MCM2: variants seen among roughly 807,000 people sequenced by gnomAD.
MCM2 encodes the protein minichromosome maintenance complex component 2.
Under a neutral mutation model 86.4 loss-of-function variants are expected in MCM2, and 49 were observed. The ratio of observed to expected loss-of-function variants is 0.57; its 90% CI spans 0.45 to 0.72. MCM2 has a LOEUF of 0.72. Among genes scored for constraint, MCM2 ranks in the 30% least tolerant of loss-of-function variants. The pLI is 0.00. For missense variants in MCM2, 1,038 were observed against 1,259.9 expected (o/e 0.82, Z 2.67); for synonymous variants, 475 against 484.6 (o/e 0.98, Z 0.26).
chr3:127,613,074 G>C (rs959732031), intron 8 of MCM2, among the ~76,000 whole-genome samples: 1 of 152,186 alleles, frequency 6.6e-6, no homozygotes, highest in African/African-American at 2.4e-5. Flanking sequence ...GGCAGTGTAG[G>C]CATTCACACA....
intron 8 of MCM2, among the ~76,000 whole-genome samples, chr3:127,612,143 C>T (rs900368150): frequency 9.9e-5 from 15 of 152,206 alleles, no homozygotes; most frequent in Non-Finnish European, 2.2e-4. Context: ...GTAACGCTGA[C>T]GGAGCTGAGG....
Position 127,617,684 on chromosome 3 carries a change from C to G in MCM2, c.1900+279C>G. On this transcript the variant is annotated intron_variant, in intron 11 of 15. Coordinates refer to ENST00000265056, the MANE Select transcript of MCM2 (RefSeq NM_004526.4). The surrounding 1 kb of genome is among the most constrained non-coding windows in gnomAD (Gnocchi z 4.1). ...GCCCCTCTGGCCAGGATGGAGTTGG[C>G]TGTTGGTCTCAGCAGCGAATGCGTA... is the stretch of plus-strand genomic sequence containing the variant. 1.7e-6 allele frequency: 1 copy of G among 591,022 alleles called. No homozygotes were observed. Among genetic ancestry groups the G allele is most frequent in the Non-Finnish European group, 3.0e-6 (1 of 333,542 alleles). 36.6% of individuals were successfully genotyped at this position (591,022 alleles called of 1,614,324 possible).
At chr3:127,621,293 G>C in intron 15 of MCM2, 65 bp downstream of exon 15, 1 of 1,589,634 alleles carries the variant, frequency 6.3e-7, no homozygotes, top group Non-Finnish European at 8.6e-7. Context: ...GTCTCCTGAT[G>C]GGGGCTCCAT....
chr3:127,613,021 ACT>A (rs1432474443), intron 8 of MCM2, among the ~76,000 whole-genome samples: 2 of 152,120 alleles, frequency 1.3e-5, no homozygotes, highest in Non-Finnish European at 1.5e-5. Flanking sequence ...TTAGCCTGCT[ACT>A]CTCTCCTGGA....
chr3:127,621,021 G>C (rs1050004107), intron 14 of MCM2, 52 bp from the exon 15 acceptor site: 1 of 1,604,048 alleles, frequency 6.2e-7, no homozygotes, highest in South Asian at 1.1e-5. Flanking sequence ...GGTAAAGGGA[G>C]TGTGGCAGGC....
intron 4 of MCM2, 22 bp downstream of exon 4, chr3:127,605,178 G>C (rs753104533): frequency 1.2e-6 from 2 of 1,606,222 alleles, no homozygotes; most frequent in South Asian, 2.2e-5. Context: ...CTACGCCCCC[G>C]CCTCAGCCCC....
chr3:127,617,467 A>T lies in MCM2; in HGVS notation c.1900+62A>T. On this transcript the variant is annotated intron_variant, in intron 11 of 15. Coordinates refer to ENST00000265056, the MANE Select transcript of MCM2 (RefSeq NM_004526.4). The surrounding 1 kb of genome is among the most constrained non-coding windows in gnomAD (Gnocchi z 4.1). Reference sequence around the variant, plus strand: ...GACACAGGGAGGTCCCGCCTGCTTGAATTGGGAGCCCACGGGGTCCCCAGG... The same window carrying T: ...GACACAGGGAGGTCCCGCCTGCTTGTATTGGGAGCCCACGGGGTCCCCAGG... 6.4e-7 allele frequency: 1 copy of T among 1,552,874 alleles called. No homozygotes were observed. The highest frequency in any genetic ancestry group is 8.7e-7 in the Non-Finnish European group (1 of 1,151,338).
Position 127,617,844 on chromosome 3 carries a change from A to C in MCM2, c.1901-125A>C, listed in dbSNP as rs2074444886. On this transcript the variant is annotated intron_variant, in intron 11 of 15. Transcript: ENST00000265056. The surrounding 1 kb of genome is among the most constrained non-coding windows in gnomAD (Gnocchi z 4.1). The stretch of plus-strand genomic sequence containing the variant: ...TTTGCTGTCTCAGACAGCAGGTGCT[A>C]AGTACCCACCTATGTCTTCCTCTTC... 2 of 709,472 alleles carry C rather than the reference A, an allele frequency of 2.8e-6. No homozygotes were observed. Among genetic ancestry groups the C allele is most frequent in the Non-Finnish European group, 4.9e-6 (2 of 405,954 alleles). The allele number at this position is 709,472 out of a possible 1,614,324, so 43.9% of individuals were successfully genotyped here. A position where few individuals can be genotyped will look rare whatever the true frequency, so the allele number is the denominator to read the frequency against.
intron 13 of MCM2, 48 bp downstream of exon 13, chr3:127,619,326 C>G (rs1429893702): frequency 6.3e-7 from 1 of 1,584,022 alleles, no homozygotes; most frequent in African/African-American, 1.3e-5. Context: ...GAAGGAAGTG[C>G]AGTGTGAGCC....
At chr3:127,610,716 G>A (rs899368833) in intron 8 of MCM2, 27 of 449,864 alleles carry the variant, frequency 6.0e-5, no homozygotes, top group Middle Eastern at 5.3e-4. Flanking sequence ...CAGGCTAGAC[G>A]CAAACCCAGT....
At chr3:127,608,795 G>A in intron 7 of MCM2, 37 bp from the exon 8 acceptor site, 1 of 1,606,654 alleles carries the variant, frequency 6.2e-7, no homozygotes, top group Non-Finnish European at 8.5e-7. Flanking sequence ...GCACCCCTGG[G>A]TTAGGCTCTG....
intron 9 of MCM2, among the ~76,000 whole-genome samples, chr3:127,616,340 T>C (rs767372932): frequency 2.0e-5 from 3 of 152,222 alleles, no homozygotes; most frequent in South Asian, 2.1e-4. Flanking sequence ...GATTTCCCCA[T>C]TGACCCCCAC....
At chr3:127,602,211 G>A (rs998969934) in intron 2 of MCM2, among the ~76,000 whole-genome samples, 2 of 149,552 alleles carry the variant, frequency 1.3e-5, no homozygotes, top group Non-Finnish European at 3.0e-5. Flanking sequence ...TTTGCTGAGG[G>A]CATTTTGTGT....
rs757903789 is a variant in MCM2 at position 127,615,933 on chromosome 3, C to T, written c.1500C>T (p.Phe500=). Residue 500 remains phenylalanine (F), a synonymous_variant, in exon 9 of 16, where the codon TTC becomes TTT. Coordinates refer to ENST00000265056, the MANE Select transcript of MCM2 (RefSeq NM_004526.4). ...AGAGAGGCCTGGCTCTGGCCCTGTTCGGAGGGGAGCCCAAAAACCCAGGTG... is the reference window on the plus strand; with the variant it reads ...AGAGAGGCCTGGCTCTGGCCCTGTTTGGAGGGGAGCCCAAAAACCCAGGTG... ...DIKRGLALAL[F]GGEPKNPGGK... The T allele has an allele frequency of 1.5e-5, 25 of 1,614,004 alleles. No homozygotes were observed. Among genetic ancestry groups the T allele is most frequent in the South Asian group, 7.7e-5 (7 of 91,078 alleles).
chr3:127,599,926 A>G (rs1396156087), intron 2 of MCM2, among the ~76,000 whole-genome samples: 1 of 152,252 alleles, frequency 6.6e-6, no homozygotes, highest in African/African-American at 2.4e-5. Flanking sequence ...ATAAAGTTTT[A>G]GAGTCAATCA....
intron 2 of MCM2, among the ~76,000 whole-genome samples, chr3:127,603,797 G>A (rs2074323460): frequency 6.6e-6 from 1 of 152,178 alleles, no homozygotes; most frequent in African/African-American, 2.4e-5. Flanking sequence ...GAGTAGCTGG[G>A]ACTAGAGGCA....
chr3:127,603,190 G>A (rs994882642), intron 2 of MCM2, among the ~76,000 whole-genome samples: 5 of 151,864 alleles, frequency 3.3e-5, no homozygotes, highest in Admixed American at 6.6e-5. Context: ...TAGTAGAGAC[G>A]GGGTTTCACC....
chr3:127,614,320 A>T (rs1222976768), intron 8 of MCM2, among the ~76,000 whole-genome samples: 5 of 150,692 alleles, frequency 3.3e-5, no homozygotes. Context: ...GTGATTAACA[A>T]TTCCTTAATA....
chr3:127,614,950 G>A (rs1232059447), intron 8 of MCM2, among the ~76,000 whole-genome samples: 2 of 152,198 alleles, frequency 1.3e-5, no homozygotes, highest in Admixed American at 6.5e-5. Context: ...AAGAAGCCCC[G>A]TGGGAAGTGT....
Sources: gnomAD v4.1 joint callset for allele counts (sites outside exome capture counted in the v4.1 genomes callset) on GRCh38, gnomAD v4.1.1 for gene constraint, Gnocchi (gnomAD v3.1) non-coding constraint, MANE v1.5 for transcripts, NCBI Gene and HGNC (gene_info 2026-07-23, HGNC 2026-07-21) for gene names.